The following MAST4 variants were observed in gnomAD, a reference collection of about 807,000 sequenced individuals.
MAST4 encodes the protein microtubule-associated serine/threonine-protein kinase 4.
In MAST4, 89 loss-of-function variants were observed where a neutral mutation model predicts 162.7. That is an observed-to-expected ratio of 0.55 (90% CI 0.46 to 0.65). The LOEUF (loss-of-function observed/expected upper bound fraction) is 0.65, where lower values mean the gene tolerates loss of function less well. Ranked by LOEUF, MAST4 falls within the 30% of genes least tolerant of loss-of-function variation. The pLI is 0.00. For synonymous variants in MAST4, 1,479 were observed against 1,361.1 expected (o/e 1.09, Z -1.91); for missense variants, 3,153 against 3,374.0 (o/e 0.93, Z 1.62).
At chr5:66,607,893 T>C (rs539149536) in intron 1 of MAST4, among the ~76,000 whole-genome samples, 5 of 152,294 alleles carry the variant, frequency 3.3e-5, no homozygotes, top group Middle Eastern at 3.4e-3. Context: ...GTTTTCTGAT[T>C]TGTCAATAGG....
chr5:66,830,268 T>A (rs1757512216), intron 3 of MAST4, among the ~76,000 whole-genome samples: 1 of 152,226 alleles, frequency 6.6e-6, no homozygotes, highest in South Asian at 2.1e-4. Flanking sequence ...ATTCCTTTTT[T>A]AAGTTTTTGT....
chr5:67,062,348 A>G (rs2150601348), intron 5 of MAST4, among the ~76,000 whole-genome samples: 1 of 152,192 alleles, frequency 6.6e-6, no homozygotes, highest in South Asian at 2.1e-4. Flanking sequence ...CAGTGAGCCG[A>G]GATCACGCCA....
intron 2 of MAST4, among the ~76,000 whole-genome samples, chr5:66,775,407 A>G (rs1754555073): frequency 6.6e-6 from 1 of 152,170 alleles, no homozygotes; most frequent in Non-Finnish European, 1.5e-5. Flanking sequence ...TTGACCCTGG[A>G]GTTCAGGGCT....
chr5:67,114,220 G>A lies in MAST4; in HGVS notation c.1591+1G>A. ...GGACTCAATAAGGATCCCTTGGAAG[G>A]TGAGTCCCTGGGTTGTTCCTACCTT... On this transcript the variant is annotated splice_donor_variant, in intron 12 of 28. Coordinates refer to ENST00000403625, the MANE Select transcript of MAST4 (RefSeq NM_001164664.2). LOFTEE classifies it high-confidence loss of function. 1 of 1,609,906 alleles carries A rather than the reference G, an allele frequency of 6.2e-7. No homozygotes were observed. Among genetic ancestry groups the A allele is most frequent in the Non-Finnish European group, 8.5e-7 (1 of 1,178,480 alleles).
At chr5:66,778,277 A>G (rs1754695611) in intron 2 of MAST4, among the ~76,000 whole-genome samples, 1 of 152,158 alleles carries the variant, frequency 6.6e-6, no homozygotes, top group South Asian at 2.1e-4. Flanking sequence ...TTATTTTTTG[A>G]TAAGAATTTT....
chr5:66,938,191 A>G (rs1440805297), intron 4 of MAST4, among the ~76,000 whole-genome samples: 1 of 152,178 alleles, frequency 6.6e-6, no homozygotes, highest in African/African-American at 2.4e-5. Flanking sequence ...AATCAGCATT[A>G]CATAATGATT....
chr5:66,655,928 CT>C (rs1484431288), intron 1 of MAST4, among the ~76,000 whole-genome samples: 1 of 152,182 alleles, frequency 6.6e-6, no homozygotes, highest in African/African-American at 2.4e-5. Context: ...ATATCTCCCC[CT>C]GTATTTATTT....
intron 4 of MAST4, among the ~76,000 whole-genome samples, chr5:66,965,017 T>G (rs186240612): frequency 1.3e-5 from 2 of 152,276 alleles, no homozygotes; most frequent in African/African-American, 4.8e-5. Flanking sequence ...ATTTCTAAAG[T>G]AAGGCCGAAC....
At chr5:66,879,141 T>C (rs989343245) in intron 3 of MAST4, among the ~76,000 whole-genome samples, 3 of 151,766 alleles carry the variant, frequency 2.0e-5, no homozygotes, top group African/African-American at 4.8e-5. Flanking sequence ...TAGCTGGGCG[T>C]GGTGGCGGGT....
intron 4 of MAST4, among the ~76,000 whole-genome samples, chr5:66,974,201 T>A (rs191751617): frequency 1.6e-4 from 25 of 152,370 alleles, no homozygotes; most frequent in Middle Eastern, 3.4e-3. Context: ...ATATAACATT[T>A]ATTTATTTGT....
intron 4 of MAST4, among the ~76,000 whole-genome samples, chr5:67,041,714 C>T (rs938138404): frequency 1.3e-5 from 2 of 152,182 alleles, no homozygotes; most frequent in Non-Finnish European, 2.9e-5. Flanking sequence ...CTGCAACCTC[C>T]GCCTCCCAGG....
chr5:67,130,485 G>A, intron 15 of MAST4, 67 bp downstream of exon 15: 3 of 1,512,476 alleles, frequency 2.0e-6, no homozygotes, highest in Non-Finnish European at 2.7e-6. Flanking sequence ...TGTTGAAGCT[G>A]TCTGTATTTG....
chr5:66,948,541 G>A (rs139945336), intron 4 of MAST4, among the ~76,000 whole-genome samples: 276 of 152,134 alleles, frequency 1.8e-3, no homozygotes, highest in African/African-American at 5.9e-3. Context: ...CCTTTTCAGG[G>A]CAGCTTGCAC....
At chr5:66,793,647 A>G (rs1755522665) in intron 3 of MAST4, among the ~76,000 whole-genome samples, 1 of 152,182 alleles carries the variant, frequency 6.6e-6, no homozygotes, top group Non-Finnish European at 1.5e-5. Context: ...CTTGGGAGTA[A>G]TAGATAGATG....
At chr5:66,801,074 C>T (rs915876712) in intron 3 of MAST4, among the ~76,000 whole-genome samples, 2 of 152,050 alleles carry the variant, frequency 1.3e-5, no homozygotes, top group African/African-American at 4.8e-5. Flanking sequence ...GCCTTTTGGG[C>T]CTCTAACATT....
At chr5:67,111,900 G>C (rs1766288052) in intron 11 of MAST4, among the ~76,000 whole-genome samples, 1 of 152,160 alleles carries the variant, frequency 6.6e-6, no homozygotes, top group South Asian at 2.1e-4. Context: ...GATGAAACTG[G>C]AGTTTCATAG....
At chr5:66,828,068 T>C (rs1757359046) in intron 3 of MAST4, among the ~76,000 whole-genome samples, 2 of 152,230 alleles carry the variant, frequency 1.3e-5, no homozygotes, top group Non-Finnish European at 2.9e-5. Flanking sequence ...TGATGGCTCT[T>C]AGAATCCCCT....
At position 67,166,791 on chromosome 5, in the gene MAST4, C is replaced by A; in HGVS notation, c.7612C>A (p.Pro2538Thr). Residue 2538 changes from proline to threonine, a missense_variant, in exon 29 of 29, where the codon CCA becomes ACA. Coordinates refer to ENST00000403625, the MANE Select transcript of MAST4 (RefSeq NM_001164664.2). ...TLPLESHHPD[P>T]NTMGGASHRD... Reference sequence around the variant, plus strand: ...GCCTCTGGAGTCACACCACCCCGACCCAAACACCATGGGCGGGGCCAGCCA... The same window carrying A: ...GCCTCTGGAGTCACACCACCCCGACACAAACACCATGGGCGGGGCCAGCCA... 6.2e-7 allele frequency: 1 copy of A among 1,603,098 alleles called. No individual in the cohort carries two copies. Among genetic ancestry groups the A allele is most frequent in the South Asian group, 1.1e-5 (1 of 88,964 alleles).
chr5:66,654,429 A>C (rs1478037851), intron 1 of MAST4, among the ~76,000 whole-genome samples: 1 of 152,180 alleles, frequency 6.6e-6, no homozygotes, highest in African/African-American at 2.4e-5. Flanking sequence ...GCCCAGAGGT[A>C]GAGATGGAGT....
Sources: allele counts gnomAD v4.1 joint callset (sites outside exome capture counted in the v4.1 genomes callset), GRCh38; gene constraint gnomAD v4.1.1; transcripts MANE v1.5; gene names NCBI Gene and HGNC (gene_info 2026-07-23, HGNC 2026-07-21).